PRPF31: variants seen among roughly 807,000 people sequenced by gnomAD.
The protein encoded by PRPF31 is pre-mRNA processing factor 31.
A neutral mutation model predicts 60.4 loss-of-function variants in PRPF31; 12 were observed. The observed-to-expected ratio is 0.20, with a 90% confidence interval of 0.13 to 0.32. The LOEUF (loss-of-function observed/expected upper bound fraction) is 0.32. Ranked by LOEUF, PRPF31 falls within the 10% of genes least tolerant of loss-of-function variation. The pLI, the probability that PRPF31 is intolerant of heterozygous loss-of-function variation, is 1.00. For synonymous variants in PRPF31, 287 were observed against 287.9 expected, an observed-to-expected ratio of 1.00 and a Z score of 0.03; for missense variants, 431 against 687.1, an observed-to-expected ratio of 0.63 and a Z score of 4.17.
chr19:54,128,111 C>G lies in PRPF31; in HGVS notation c.984C>G (p.Phe328Leu), dbSNP rs202206056. ...YELKDEIERK[F>L]DKWQEPPPVK... ...TGAAGGATGAGATCGAGCGCAAATTCGACAAGTGGCAGGAGCCGCCGCCTG... is the reference window on the plus strand; with the variant it reads ...TGAAGGATGAGATCGAGCGCAAATTGGACAAGTGGCAGGAGCCGCCGCCTG... The change falls in exon 10 of 14, where the codon TTC becomes TTG. Residue 328 changes from phenylalanine to leucine, a missense_variant. Phe to Leu is a conservative substitution (Grantham distance 22). This residue lies in a region of PRPF31 where 314 missense variants were observed against 475.3 expected (regional missense o/e 0.66). Coordinates refer to ENST00000321030, the MANE Select transcript of PRPF31 (RefSeq NM_015629.4). The G allele has an allele frequency of 1.3e-6, 2 of 1,550,468 alleles. No individual in the cohort carries two copies. Among genetic ancestry groups the G allele is most frequent in the East Asian group, 2.4e-5 (1 of 41,616 alleles).
rs142560628 is a variant in PRPF31 at position 54,118,374 on chromosome 19, C to G, written c.96C>G (p.Ile32Met). 2.3e-5 allele frequency: 37 copies of G among 1,613,866 alleles called. No individual in the cohort carries two copies. The highest frequency in any genetic ancestry group is 3.1e-5 in the Non-Finnish European group (37 of 1,180,000). The change falls in exon 2 of 14, where the codon ATC becomes ATG. Residue 32 changes from isoleucine to methionine, a missense_variant. This residue lies in a region of PRPF31 where 113 missense variants were observed against 173.8 expected (regional missense o/e 0.65). Transcript: ENST00000321030. ...SYGEEEEEPA[I>M]EDVQEETQLD... ...GGGAGGAAGAAGAGGAGCCAGCGAT[C>G]GAGGATGTGCAGGAGGAGACACAGC... is the stretch of plus-strand genomic sequence containing the variant.
intron 7 of PRPF31, chr19:54,124,249 G>A: frequency 3.2e-6 from 2 of 631,266 alleles, no homozygotes; most frequent in Non-Finnish European, 5.5e-6. Flanking sequence ...GCACAAACGT[G>A]GTGGTCAGCT....
chr19:54,130,776 C>T (rs951107901), intron 13 of PRPF31, among the ~76,000 whole-genome samples: 14 of 152,192 alleles, frequency 9.2e-5, no homozygotes, highest in Non-Finnish European at 1.8e-4. Flanking sequence ...CTCCCCTCCT[C>T]CATCATGAGG....
chr19:54,118,366 C>A lies in PRPF31; in HGVS notation c.88C>A (p.Pro30Thr). 6.2e-7 allele frequency: 1 copy of A among 1,613,896 alleles called. No homozygotes were observed. The highest frequency in any genetic ancestry group is 8.5e-7 in the Non-Finnish European group (1 of 1,179,932). Residue 30 changes from proline (P) to threonine (T), a missense_variant, in exon 2 of 14, where the codon CCA becomes ACA. By Grantham distance (38) the Pro-to-Thr change is conservative. Coordinates refer to ENST00000321030, the MANE Select transcript of PRPF31 (RefSeq NM_015629.4). ...GGSYGEEEEE[P>T]AIEDVQEETQ... ...AAGCTATGGGGAGGAAGAAGAGGAG[C>A]CAGCGATCGAGGATGTGCAGGAGGA...
chr19:54,131,441 G>T lies in PRPF31; in HGVS notation c.*9G>T. The T allele has an allele frequency of 3.1e-6, 5 of 1,614,008 alleles. No individual in the cohort carries two copies. Among genetic ancestry groups the T allele is most frequent in the Non-Finnish European group, 4.2e-6 (5 of 1,179,992 alleles). ...GCCTTATGTCCACCTGAATGACTGCGTGTGTCCAAGGTGGCTTCCCACTGA... is the reference window on the plus strand; with the variant it reads ...GCCTTATGTCCACCTGAATGACTGCTTGTGTCCAAGGTGGCTTCCCACTGA... On this transcript the variant is annotated 3_prime_UTR_variant, in exon 14 of 14. Transcript: ENST00000321030.
At chr19:54,130,348 G>A (rs587669160) in intron 13 of PRPF31, among the ~76,000 whole-genome samples, 18 of 152,356 alleles carry the variant, frequency 1.2e-4, no homozygotes, top group Middle Eastern at 3.4e-3. Flanking sequence ...ATGCCAGGCC[G>A]GGCGCGGTGG....
In PRPF31 at chr19:54,123,912, A is replaced by G; in HGVS notation, c.691A>G (p.Ile231Val). The G allele has an allele frequency of 6.2e-7, 1 of 1,613,708 alleles. No individual in the cohort carries two copies. The change falls in exon 7 of 14, where the codon ATC becomes GTC. Residue 231 changes from isoleucine to valine, a missense_variant. By Grantham distance (29) the Ile-to-Val change is conservative. Coordinates refer to ENST00000321030, the MANE Select transcript of PRPF31 (RefSeq NM_015629.4). ...IIIGASTAAK[I>V]MGVAGGLTNL... ...TATCGGGGCATCCACGGCCGCCAAG[A>G]TCATGGGTGAGTCCCCGGGCTGGGT...
At position 54,122,386 on chromosome 19, in the gene PRPF31, C is replaced by T. The variant is rs73062633; in HGVS notation, c.323-111C>T. ...GTATGCTGGTGCCCGTGTGCCAGGC[C>T]ACAAGCCAGGGCTTCAGTTACTAAA... On this transcript the variant is annotated intron_variant, in intron 4 of 13. Transcript: ENST00000321030. 0.18 allele frequency: 155,629 copies of T among 867,720 alleles called. 14,908 individuals carry two copies. The highest frequency in any genetic ancestry group is 0.25 in the Admixed American group (14,766 of 59,094). 53.8% of individuals were successfully genotyped at this position (867,720 alleles called of 1,614,324 possible).
At chr19:54,121,585 C>T (rs143694666) in intron 3 of PRPF31, among the ~76,000 whole-genome samples, 1 of 152,252 alleles carries the variant, frequency 6.6e-6, no homozygotes, top group Non-Finnish European at 1.5e-5. Context: ...TCTGAGGACT[C>T]GGTCATTAGC....
rs2073852742 is a variant in PRPF31, at chr19:54,123,791, C to T, written c.570C>T (p.Ala190=). 1.9e-6 allele frequency: 3 copies of T among 1,612,162 alleles called. No homozygotes were observed. Among genetic ancestry groups the T allele is most frequent in the Non-Finnish European group, 1.7e-6 (2 of 1,179,924 alleles). Reference sequence around the variant, plus strand: ...AGGAGCTGGAGCGGCTGGAGGAGGCCTGCGACATGGCGCTGGAGCTGAACG... The same window carrying T: ...AGGAGCTGGAGCGGCTGGAGGAGGCTTGCGACATGGCGCTGGAGCTGAACG... ...SEEELERLEE[A]CDMALELNAS... Residue 190 remains alanine, a synonymous_variant, in exon 7 of 14, where the codon GCC becomes GCT. Transcript: ENST00000321030.
At chr19:54,129,656 A>C (rs587597767) in intron 13 of PRPF31, among the ~76,000 whole-genome samples, 4 of 132,014 alleles carry the variant, frequency 3.0e-5, no homozygotes, top group Non-Finnish European at 6.4e-5. Flanking sequence ...AGCGGGTAAC[A>C]CTGCTCAGCC....
chr19:54,116,362 G>C lies in PRPF31; in HGVS notation c.-9+565G>C, dbSNP rs759953438. ...TGGGATTACAGGCGCGCACCACCACGCCCGGCTAGTTTTTTGTATTTTTAG... is the reference window on the plus strand; with the variant it reads ...TGGGATTACAGGCGCGCACCACCACCCCCGGCTAGTTTTTTGTATTTTTAG... On this transcript the variant is annotated intron_variant, in intron 1 of 13. Transcript: ENST00000321030. 4.0e-5 allele frequency among the ~76,000 whole-genome samples: 6 copies of C among 150,382 alleles called. No homozygotes were observed. The South Asian group carries it at 1.1e-3, about 27-fold the overall frequency.
intron 8 of PRPF31, 192 bp downstream of exon 8, chr19:54,124,848 G>C: frequency 3.0e-6 from 2 of 677,090 alleles, no homozygotes; most frequent in South Asian, 3.5e-5. Flanking sequence ...TCAGGTGACT[G>C]TGGGCAAGAG....
chr19:54,117,711 C>T (rs2073684813), intron 1 of PRPF31, among the ~76,000 whole-genome samples: 1 of 150,108 alleles, frequency 6.7e-6, no homozygotes. Flanking sequence ...ATTAGCTGGG[C>T]ATGGTGGCAG....
intron 8 of PRPF31, chr19:54,124,986 C>A (rs117933933): frequency 1.2e-5 from 6 of 484,584 alleles, no homozygotes; most frequent in Non-Finnish European, 2.3e-5. Context: ...CGACAAGCAG[C>A]GTCGGGTTAG....
In PRPF31 at chr19:54,119,549, T is replaced by C. The variant is rs587658627; in HGVS notation, c.238+916T>C. 7 of 150,448 alleles carry C rather than the reference T, an allele frequency of 4.7e-5. No individual in the cohort carries two copies. In the South Asian group the frequency reaches 1.3e-3, roughly 27 times the overall value. 9.3% of individuals were successfully genotyped at this position (150,448 alleles called of 1,614,324 possible). A position where few individuals can be genotyped will look rare whatever the true frequency, so the allele number is the denominator to read the frequency against. On this transcript the variant is annotated intron_variant, in intron 3 of 13. Transcript: ENST00000321030. Reference sequence around the variant, plus strand: ...TCTCCCTCTGTCGCCCAGGCTGGAGTGCAGTGATGTGTTCTTGGCTCATTG... The same window carrying C: ...TCTCCCTCTGTCGCCCAGGCTGGAGCGCAGTGATGTGTTCTTGGCTCATTG...
intron 3 of PRPF31, among the ~76,000 whole-genome samples, chr19:54,120,965 G>A (rs192080797): frequency 2.7e-4 from 41 of 152,230 alleles, no homozygotes; most frequent in Non-Finnish European, 4.3e-4. Flanking sequence ...CGTGGGGTAA[G>A]GGATGCTCTG....
In PRPF31 at chr19:54,118,098, G is replaced by A. The variant is rs587594742; in HGVS notation, c.-8-173G>A. The A allele has an allele frequency of 1.3e-4, 116 of 890,678 alleles. No homozygotes were observed. The South Asian group carries it at 1.6e-3, about 12-fold the overall frequency. 55.2% of individuals were successfully genotyped at this position (890,678 alleles called of 1,614,324 possible). A position where few individuals can be genotyped will look rare whatever the true frequency, so the allele number is the denominator to read the frequency against. On this transcript the variant is annotated intron_variant, in intron 1 of 13. Transcript: ENST00000321030. The stretch of plus-strand genomic sequence containing the variant: ...TGTGCTGCGTCTTGCACAGGTCGGA[G>A]CTGGAGACTCGCCAGTGAACAAAAC...
chr19:54,118,140 T>G (rs1034818995), intron 1 of PRPF31, 131 bp from the exon 2 acceptor site: 10 of 1,284,970 alleles, frequency 7.8e-6, no homozygotes, highest in African/African-American at 1.5e-5. Flanking sequence ...AAGCACCTGT[T>G]GTCGTGGAGC....
Sources: allele counts gnomAD v4.1 joint callset (sites outside exome capture counted in the v4.1 genomes callset), GRCh38; gene constraint gnomAD v4.1.1; regional missense constraint gnomAD v4.1.1; transcripts MANE v1.5; gene names NCBI Gene and HGNC (gene_info 2026-07-23, HGNC 2026-07-21).